Variants in SP4 observed in about 807,000 individuals in gnomAD.
SP4 encodes the protein Sp4 transcription factor.
SP4 carries 19 observed loss-of-function variants against 72.8 expected under a neutral mutation model. That is an observed-to-expected ratio of 0.26 (90% confidence interval 0.18 to 0.38). The LOEUF (loss-of-function observed/expected upper bound fraction) is 0.38. SP4 is among the 10% of genes least tolerant of loss of function. The pLI is 1.00. For synonymous variants in SP4, 395 were observed against 333.1 expected, an observed-to-expected ratio of 1.19 and a Z score of -2.02; for missense variants, 1,008 against 926.3, an observed-to-expected ratio of 1.09 and a Z score of -1.14.
intron 3 of SP4, among the ~76,000 whole-genome samples, chr7:21,458,612 G>C (rs887608309): frequency 2.0e-5 from 3 of 152,112 alleles, no homozygotes; most frequent in East Asian, 3.8e-4. Flanking sequence ...AGTCATTTGT[G>C]TCCAAGAAAA....
At chr7:21,457,412 G>C (rs1450312532) in intron 3 of SP4, among the ~76,000 whole-genome samples, 1 of 152,140 alleles carries the variant, frequency 6.6e-6, no homozygotes, top group Non-Finnish European at 1.5e-5. Context: ...CCAGTGTATA[G>C]ATTGTGCCTT....
rs148629953 is a variant in SP4 at position 21,430,280 on chromosome 7, C to G, written c.1115C>G (p.Ala372Gly). 4 of 1,614,210 alleles carry G rather than the reference C, an allele frequency of 2.5e-6. No homozygotes were observed. The highest frequency in any genetic ancestry group is 3.4e-6 in the Non-Finnish European group (4 of 1,180,046). Residue 372 changes from alanine to glycine, a missense_variant, in exon 3 of 6, where the codon GCC becomes GGC. Transcript: ENST00000222584. Reference sequence around the variant, plus strand: ...ACACCTGCTGCTACTGAGTCTGAAGCCCAGAGCTCCAGTCAGCTTCAGCCT... The same window carrying G: ...ACACCTGCTGCTACTGAGTCTGAAGGCCAGAGCTCCAGTCAGCTTCAGCCT... ...SQTPAATESEAQSSSQLQPNG... is the reference protein window; with the variant it reads ...SQTPAATESEGQSSSQLQPNG...
At chr7:21,506,865 C>G (rs1782011307) in intron 5 of SP4, among the ~76,000 whole-genome samples, 1 of 152,164 alleles carries the variant, frequency 6.6e-6, no homozygotes, top group African/African-American at 2.4e-5. Context: ...GTGAATGTGT[C>G]CTATGTCCTA....
At chr7:21,458,371 A>G (rs1192548927) in intron 3 of SP4, among the ~76,000 whole-genome samples, 1 of 152,134 alleles carries the variant, frequency 6.6e-6, no homozygotes, top group Non-Finnish European at 1.5e-5. Flanking sequence ...TTTTGTAAAG[A>G]CAAGGTTTCA....
At chr7:21,440,113 C>G (rs1783193479) in intron 3 of SP4, among the ~76,000 whole-genome samples, 1 of 152,160 alleles carries the variant, frequency 6.6e-6, no homozygotes, top group Admixed American at 6.5e-5. Context: ...CTTCGTAGAG[C>G]ACAACACTAA....
At chr7:21,447,896 C>T (rs906216036) in intron 3 of SP4, among the ~76,000 whole-genome samples, 4 of 152,170 alleles carry the variant, frequency 2.6e-5, no homozygotes, top group African/African-American at 9.7e-5. Flanking sequence ...CTTGGCTAGC[C>T]TGGGCTTGAA....
At chr7:21,429,117 A>G (rs1262394375) in intron 2 of SP4, among the ~76,000 whole-genome samples, 172 bp from the exon 3 acceptor site, 1 of 147,784 alleles carries the variant, frequency 6.8e-6, no homozygotes, top group Non-Finnish European at 1.5e-5. Context: ...TTGCTTCCTT[A>G]TTCATATAGT....
At chr7:21,499,178 C>T (rs1222016490) in intron 5 of SP4, among the ~76,000 whole-genome samples, 2 of 151,336 alleles carry the variant, frequency 1.3e-5, no homozygotes, top group Admixed American at 1.3e-4. Flanking sequence ...AGGTCTTCAT[C>T]TTTGTATTCA....
At chr7:21,465,386 T>C (rs373058749) in intron 3 of SP4, among the ~76,000 whole-genome samples, 9 of 152,306 alleles carry the variant, frequency 5.9e-5, no homozygotes, top group African/African-American at 1.9e-4. Context: ...GAAAAGAGTG[T>C]AGGGCTCTGG....
intron 3 of SP4, among the ~76,000 whole-genome samples, chr7:21,432,039 AG>A (rs1782876161): frequency 1.3e-5 from 2 of 152,260 alleles, no homozygotes; most frequent in African/African-American, 2.4e-5. Context: ...AGCGCTATCC[AG>A]CAGAACTGTC....
At chr7:21,492,889 C>G (rs1036908811) in intron 5 of SP4, among the ~76,000 whole-genome samples, 2 of 152,102 alleles carry the variant, frequency 1.3e-5, no homozygotes, top group Admixed American at 1.3e-4. Context: ...GACCATGAAA[C>G]ACTCCTTAAC....
intron 5 of SP4, among the ~76,000 whole-genome samples, chr7:21,505,831 C>G (rs1468180793): frequency 6.6e-6 from 1 of 152,172 alleles, no homozygotes; most frequent in Non-Finnish European, 1.5e-5. Flanking sequence ...ATCAATCCCT[C>G]TATTACCAGT....
At chr7:21,439,866 A>G (rs1783183007) in intron 3 of SP4, among the ~76,000 whole-genome samples, 1 of 152,170 alleles carries the variant, frequency 6.6e-6, no homozygotes, top group African/African-American at 2.4e-5. Context: ...TTGTCACTGC[A>G]CTCCAGTCTG....
At chr7:21,435,454 T>C (rs962681739) in intron 3 of SP4, among the ~76,000 whole-genome samples, 1 of 152,210 alleles carries the variant, frequency 6.6e-6, no homozygotes, top group African/African-American at 2.4e-5. Flanking sequence ...TTCAATCCAG[T>C]AAAATTAACT....
intron 3 of SP4, among the ~76,000 whole-genome samples, chr7:21,465,864 T>TA (rs747013054): frequency 2.8e-3 from 420 of 148,302 alleles, no homozygotes; most frequent in Non-Finnish European, 5.2e-3. Flanking sequence ...CCCTGTCTCT[T>TA]AAAAAAAAAA....
chr7:21,435,492 T>C (rs760588933), intron 3 of SP4, among the ~76,000 whole-genome samples: 1 of 152,138 alleles, frequency 6.6e-6, no homozygotes. Flanking sequence ...TTTCCAGAGC[T>C]ACTAAAGGTG....
At chr7:21,480,459 G>A (rs565093194) in intron 4 of SP4, among the ~76,000 whole-genome samples, 3 of 152,220 alleles carry the variant, frequency 2.0e-5, no homozygotes, top group Non-Finnish European at 4.4e-5. Context: ...TAGTATTTTG[G>A]TCCGTATTTT....
chr7:21,466,080 G>C (rs1784159701), intron 3 of SP4, among the ~76,000 whole-genome samples: 1 of 152,044 alleles, frequency 6.6e-6, no homozygotes, highest in Non-Finnish European at 1.5e-5. Context: ...CTTTTTGACA[G>C]TAAATCACTG....
intron 4 of SP4, among the ~76,000 whole-genome samples, chr7:21,480,985 A>AC (rs1784668467): frequency 1.3e-5 from 2 of 152,038 alleles, no homozygotes. Flanking sequence ...CTGAGTTACA[A>AC]CCCTGCTTTA....
Sources: gnomAD v4.1 joint callset for allele counts (sites outside exome capture counted in the v4.1 genomes callset) on GRCh38, gnomAD v4.1.1 for gene constraint, MANE v1.5 for transcripts, NCBI Gene and HGNC (gene_info 2026-07-23, HGNC 2026-07-21) for gene names.